The following AFG2A variants were observed in gnomAD, a reference collection of about 807,000 sequenced individuals.
AFG2A encodes the protein AAA ATPase AFG2A.
the AFG2A span, among the ~76,000 whole-genome samples, chr4:123,194,304 C>T: frequency 2.1e-4 from 32 of 152,228 alleles, no homozygotes; most frequent in Non-Finnish European, 3.8e-4. Context: ...ATAACTCTGA[C>T]GATAGCTGAT....
At chr4:123,220,976 C>A in the AFG2A span, among the ~76,000 whole-genome samples, 21 of 152,140 alleles carry the variant, frequency 1.4e-4, no homozygotes, top group African/African-American at 5.1e-4. Flanking sequence ...CTTACATCAA[C>A]TATGTAGTAT....
At chr4:123,018,184 T>A in the AFG2A span, among the ~76,000 whole-genome samples, 2 of 152,204 alleles carry the variant, frequency 1.3e-5, no homozygotes, top group Admixed American at 1.3e-4. Flanking sequence ...CTTGGGAAAT[T>A]TATCTCACTG....
At chr4:123,057,364 G>A in the AFG2A span, 4 of 1,446,134 alleles carry the variant, frequency 2.8e-6, no homozygotes, top group East Asian at 2.3e-5. Context: ...GGTATAAATA[G>A]CATTTTGTAT....
At chr4:123,148,186 C>A in the AFG2A span, among the ~76,000 whole-genome samples, 1 of 152,076 alleles carries the variant, frequency 6.6e-6, no homozygotes, top group Non-Finnish European at 1.5e-5. Context: ...ACATCCTTTA[C>A]CACTATTTAA....
chr4:123,083,855 GCTT>G, the AFG2A span, among the ~76,000 whole-genome samples: 2 of 151,882 alleles, frequency 1.3e-5, no homozygotes, highest in South Asian at 4.2e-4. Context: ...TATTCACTCT[GCTT>G]CTATTTTTTA....
the AFG2A span, chr4:122,936,129 G>A: frequency 5.6e-6 from 9 of 1,604,058 alleles, no homozygotes; most frequent in African/African-American, 9.4e-5. Flanking sequence ...GCAAAGTTAC[G>A]TCAGATATTT....
chr4:123,132,597 C>CATATATATATATATATATATATATATAT, the AFG2A span, among the ~76,000 whole-genome samples: 6 of 140,350 alleles, frequency 4.3e-5, no homozygotes, highest in African/African-American at 1.6e-4. Flanking sequence ...GATGTGTGTA[C>CATATATATATATATATATATATATATAT]ATATATATAT....
chr4:123,153,263 G>A, the AFG2A span, among the ~76,000 whole-genome samples: 5 of 152,156 alleles, frequency 3.3e-5, no homozygotes, highest in Admixed American at 2.0e-4. Flanking sequence ...CATGGCAGCC[G>A]AGTTCCAAGG....
the AFG2A span, chr4:122,934,861 A>T: frequency 8.1e-7 from 1 of 1,231,980 alleles, no homozygotes; most frequent in Admixed American, 2.9e-5. Flanking sequence ...TAGGTATGGT[A>T]GAAGATTTCA....
chr4:123,234,836 C>T, the AFG2A span, among the ~76,000 whole-genome samples: 2 of 152,028 alleles, frequency 1.3e-5, no homozygotes, highest in Non-Finnish European at 2.9e-5. Flanking sequence ...CACCACTTAC[C>T]AGCTATGTAA....
chr4:122,948,704 A>T, the AFG2A span, among the ~76,000 whole-genome samples: 1 of 152,182 alleles, frequency 6.6e-6, no homozygotes, highest in Non-Finnish European at 1.5e-5. Flanking sequence ...GCTGGACAGG[A>T]GAACTGCAAT....
the AFG2A span, among the ~76,000 whole-genome samples, chr4:123,110,649 T>C: frequency 2.6e-5 from 4 of 152,146 alleles, no homozygotes; most frequent in African/African-American, 9.6e-5. Flanking sequence ...TCTAAGATAA[T>C]AACAATTATT....
chr4:122,968,696 A>G, the AFG2A span, among the ~76,000 whole-genome samples: 4 of 152,182 alleles, frequency 2.6e-5, no homozygotes, highest in Admixed American at 6.5e-5. Context: ...TTTGTCTAAG[A>G]GTGGAATTAT....
chr4:123,124,200 G>A, the AFG2A span, among the ~76,000 whole-genome samples: 2 of 152,042 alleles, frequency 1.3e-5, no homozygotes, highest in Non-Finnish European at 2.9e-5. Context: ...TATGTTTATT[G>A]CAGCACTGTT....
At chr4:123,155,590 A>G in the AFG2A span, among the ~76,000 whole-genome samples, 1 of 149,978 alleles carries the variant, frequency 6.7e-6, no homozygotes, top group Non-Finnish European at 1.5e-5. Context: ...ACAAAAATTA[A>G]CAATACAGCA....
At chr4:123,219,235 G>A in the AFG2A span, among the ~76,000 whole-genome samples, 1 of 152,226 alleles carries the variant, frequency 6.6e-6, no homozygotes, top group Non-Finnish European at 1.5e-5. Context: ...TGATGTTCAG[G>A]AGTAGTAAGA....
At chr4:123,075,079 G>A in the AFG2A span, among the ~76,000 whole-genome samples, 6,140 of 152,052 alleles carry the variant, frequency 0.04, 398 homozygotes, top group African/African-American at 0.14. Context: ...AAGTAGCTGG[G>A]ATTACAGGTG....
At chr4:123,008,958 T>C in the AFG2A span, among the ~76,000 whole-genome samples, 2 of 152,226 alleles carry the variant, frequency 1.3e-5, no homozygotes, top group South Asian at 4.1e-4. Context: ...TTATTACCTA[T>C]CTGTCTGTGC....
At chr4:123,046,950 G>A in the AFG2A span, among the ~76,000 whole-genome samples, 29 of 152,194 alleles carry the variant, frequency 1.9e-4, no homozygotes, top group South Asian at 2.1e-4. Flanking sequence ...TTTTATCTGC[G>A]TTGCTGCAGA....
Sources: allele counts gnomAD v4.1 joint callset (sites outside exome capture counted in the v4.1 genomes callset), GRCh38; gene constraint gnomAD v4.1.1; transcripts MANE v1.5; gene names NCBI Gene and HGNC (gene_info 2026-07-23, HGNC 2026-07-21).